The following TRABD2A variants were observed in gnomAD, a reference collection of about 807,000 sequenced individuals.
TRABD2A encodes the protein TraB domain containing 2A, also known as metalloprotease TIKI1.
Under a neutral mutation model 45.6 loss-of-function variants are expected in TRABD2A, and 43 were observed. The ratio of observed to expected loss-of-function variants is 0.94; its 90% confidence interval spans 0.74 to 1.22. TRABD2A has a LOEUF of 1.22. Among genes scored for constraint, TRABD2A ranks in the 50% most tolerant of loss-of-function variants. TRABD2A has a pLI of 0.00. For missense variants in TRABD2A, 642 were observed against 652.4 expected (o/e 0.98, Z 0.17); for synonymous variants, 269 against 265.0 (o/e 1.02, Z -0.15).
intron 3 of TRABD2A, among the ~76,000 whole-genome samples, chr2:84,840,283 T>A (rs538008628): frequency 6.6e-6 from 1 of 151,496 alleles, no homozygotes; most frequent in African/African-American, 2.4e-5. Flanking sequence ...CTCTGTCATC[T>A]TTTTTTTTAA....
chr2:84,859,337 G>A (rs890023396), intron 2 of TRABD2A, among the ~76,000 whole-genome samples: 1 of 152,204 alleles, frequency 6.6e-6, no homozygotes, highest in Non-Finnish European at 1.5e-5. Flanking sequence ...CCAGCAATTA[G>A]TAAACACCCA....
chr2:84,862,662 AG>A (rs983637890), intron 2 of TRABD2A, among the ~76,000 whole-genome samples: 14 of 152,168 alleles, frequency 9.2e-5, no homozygotes, highest in Admixed American at 2.6e-4. Flanking sequence ...GCCCAGAGCC[AG>A]GGGAAGGGAG....
At chr2:84,878,625 C>A (rs1488212734) in intron 1 of TRABD2A, among the ~76,000 whole-genome samples, 1 of 151,900 alleles carries the variant, frequency 6.6e-6, no homozygotes, top group Non-Finnish European at 1.5e-5. Context: ...TCAGGGTAAA[C>A]CCTGCAGTGT....
intron 1 of TRABD2A, chr2:84,874,961 C>T (rs1682983567): frequency 6.1e-6 from 1 of 164,674 alleles, no homozygotes. Flanking sequence ...CATCACCAAT[C>T]TTTAGCCAGA....
At chr2:84,873,277 A>G (rs10203179) in intron 1 of TRABD2A, among the ~76,000 whole-genome samples, 152,024 of 152,042 alleles carry the variant, frequency 1, 76,003 homozygotes, top group Non-Finnish European at 1. Flanking sequence ...TTAGCCGGAC[A>G]TGGTGGCAAG....
At chr2:84,840,703 C>T (rs1427577021) in intron 3 of TRABD2A, among the ~76,000 whole-genome samples, 1 of 152,214 alleles carries the variant, frequency 6.6e-6, no homozygotes, top group Non-Finnish European at 1.5e-5. Flanking sequence ...ACTTTTCTCC[C>T]CCCTTCCCTA....
At chr2:84,842,564 A>G (rs1681747126) in intron 2 of TRABD2A, among the ~76,000 whole-genome samples, 1 of 152,110 alleles carries the variant, frequency 6.6e-6, no homozygotes, top group South Asian at 2.1e-4. Context: ...ACATGTCTCT[A>G]CTAAAAATAC....
Position 84,839,219 on chromosome 2 carries a change from T to C in TRABD2A, c.921A>G (p.Arg307=). ...RRELIYKRNE[R]IGKRVKALLE... ...AAAGGGCCTTCACCCGCTTCCCTATTCTCTCATTCCGCTTGTAGATCAGCT... is the reference window on the plus strand; with the variant it reads ...AAAGGGCCTTCACCCGCTTCCCTATCCTCTCATTCCGCTTGTAGATCAGCT... The change falls in exon 4 of 7, where the codon AGA becomes AGG. Residue 307 remains arginine (R), a synonymous_variant. Coordinates refer to ENST00000409520, the MANE Select transcript of TRABD2A (RefSeq NM_001277053.2). 1.2e-6 allele frequency: 2 copies of C among 1,613,866 alleles called. No individual in the cohort carries two copies. Among genetic ancestry groups the C allele is most frequent in the Non-Finnish European group, 1.7e-6 (2 of 1,179,870 alleles).
intron 4 of TRABD2A, chr2:84,836,629 C>A (rs1021378270): frequency 1.3e-5 from 2 of 152,118 alleles, no homozygotes; most frequent in African/African-American, 4.8e-5. Flanking sequence ...CTTTTTATTT[C>A]TTTCTTTTTT....
In TRABD2A at chr2:84,821,790, T is replaced by C. The variant is rs1681006593; in HGVS notation, c.*127A>G. 9.8e-7 allele frequency: 1 copy of C among 1,024,996 alleles called. No individual in the cohort carries two copies. The highest frequency in any genetic ancestry group is 1.3e-6 in the Non-Finnish European group (1 of 759,158). 63.5% of individuals were successfully genotyped at this position (1,024,996 alleles called of 1,614,324 possible). On this transcript the variant is annotated 3_prime_UTR_variant, in exon 7 of 7. Transcript: ENST00000409520. ...TCCTTGGAAAGAGAAGAATCAACAC[T>C]GGGCCGCTTTTTCAAGAGCAGTCTC... is the stretch of plus-strand genomic sequence containing the variant.
intron 2 of TRABD2A, among the ~76,000 whole-genome samples, chr2:84,869,005 C>T (rs1218709907): frequency 6.6e-6 from 1 of 152,162 alleles, no homozygotes; most frequent in Admixed American, 6.5e-5. Flanking sequence ...ATCTATAAAT[C>T]TTAGTGTGCC....
At chr2:84,870,951 A>C (rs562198689) in intron 1 of TRABD2A, among the ~76,000 whole-genome samples, 166 bp from the exon 2 acceptor site, 1 of 152,296 alleles carries the variant, frequency 6.6e-6, no homozygotes, top group East Asian at 1.9e-4. Flanking sequence ...CATTGCCCTA[A>C]ATAGACAGGA....
In TRABD2A at chr2:84,821,923, G is replaced by A. The variant is rs369918624; in HGVS notation, c.1512C>T (p.Leu504=). The A allele has an allele frequency of 1.8e-5, 28 of 1,598,838 alleles. No homozygotes were observed. The highest frequency in any genetic ancestry group is 2.2e-5 in the East Asian group (1 of 44,498). The change falls in exon 7 of 7, where the codon CTC becomes CTT. Residue 504 remains leucine (L), a synonymous_variant. Transcript: ENST00000409520. The stretch of plus-strand genomic sequence containing the variant: ...AGCCTGGTGCTTCCAGTCGTTACAG[G>A]AGGGGTGTCTCTGTTTGGAAAGCCA... ...LVLAFQTETP[L]L is the part of the protein sequence containing the mutation.
At chr2:84,868,967 A>G (rs182162112) in intron 2 of TRABD2A, among the ~76,000 whole-genome samples, 17 of 152,366 alleles carry the variant, frequency 1.1e-4, no homozygotes, top group Admixed American at 2.0e-4. Context: ...CAGGAGATCA[A>G]TGCAGACAAT....
At chr2:84,856,828 A>C (rs974587869) in intron 2 of TRABD2A, among the ~76,000 whole-genome samples, 12 of 152,112 alleles carry the variant, frequency 7.9e-5, no homozygotes, top group African/African-American at 2.9e-4. Context: ...CTCCCGTTAC[A>C]CACTAAATTG....
chr2:84,829,283 AGACGGATTCCT>A (rs1250075974), intron 5 of TRABD2A, among the ~76,000 whole-genome samples: 1 of 151,968 alleles, frequency 6.6e-6, no homozygotes, highest in African/African-American at 2.4e-5. Flanking sequence ...GCTTCTAAAA[AGACGGATTCCT>A]GACCTTCCTT....
rs374932471 is a variant in TRABD2A at position 84,870,537 on chromosome 2, G to A, written c.357C>T (p.Ile119=). 1.2e-6 allele frequency: 2 copies of A among 1,614,044 alleles called. No homozygotes were observed. Among genetic ancestry groups the A allele is most frequent in the Non-Finnish European group, 1.7e-6 (2 of 1,179,882 alleles). Residue 119 remains isoleucine, a synonymous_variant, in exon 2 of 7, where the codon ATC becomes ATT. Transcript: ENST00000409520. The part of the protein sequence containing the change: ...ENLQDVLPRD[I]YCRLKRHLEY... The stretch of plus-strand genomic sequence containing the variant: ...CCAGGTGGCGCTTGAGGCGGCAGTA[G>A]ATGTCCCTGGGGAGCACATCTTGGA...
chr2:84,840,522 G>A (rs1393069320), intron 3 of TRABD2A, among the ~76,000 whole-genome samples: 1 of 152,186 alleles, frequency 6.6e-6, no homozygotes, highest in East Asian at 1.9e-4. Context: ...CTGACCTCCT[G>A]TAGGGGCCCT....
intron 2 of TRABD2A, among the ~76,000 whole-genome samples, chr2:84,861,589 C>T (rs760519679): frequency 1.7e-4 from 26 of 152,126 alleles, no homozygotes; most frequent in Non-Finnish European, 2.9e-5. Context: ...CCATCTGTGG[C>T]GTGGTGATTG....
Sources: gnomAD v4.1 joint callset for allele counts (sites outside exome capture counted in the v4.1 genomes callset) on GRCh38, gnomAD v4.1.1 for gene constraint, MANE v1.5 for transcripts, NCBI Gene and HGNC (gene_info 2026-07-23, HGNC 2026-07-21) for gene names.